The following CFAP54 variants were observed in gnomAD, a reference collection of about 807,000 sequenced individuals.
CFAP54 encodes the protein cilia and flagella associated protein 54.
Under a neutral mutation model 370.4 loss-of-function variants are expected in CFAP54, and 290 were observed. That is an observed-to-expected ratio of 0.78 (90% CI 0.71 to 0.86). CFAP54 has a LOEUF of 0.86. Among genes scored for constraint, CFAP54 ranks in the 40% least tolerant of loss-of-function variants. The pLI, the probability that CFAP54 is intolerant of heterozygous loss-of-function variation, is 0.00. For synonymous variants in CFAP54, 1,206 were observed against 1,236.5 expected, an observed-to-expected ratio of 0.98 and a Z score of 0.52; for missense variants, 3,399 against 3,528.7, an observed-to-expected ratio of 0.96 and a Z score of 0.93.
chr12:96,643,471 G>A (rs11108607), intron 32 of CFAP54, among the ~76,000 whole-genome samples: 4,088 of 152,062 alleles, frequency 0.027, 69 homozygotes, highest in Admixed American at 0.041. Context: ...AGGTAGATTG[G>A]TGCTGACCAA....
chr12:96,757,385 G>A (rs1195308343), intron 57 of CFAP54, 110 bp from the exon 58 acceptor site: 2 of 525,668 alleles, frequency 3.8e-6, no homozygotes, highest in Non-Finnish European at 6.7e-6. Flanking sequence ...TGTGACAGAT[G>A]CTGGTTTTGC....
At chr12:96,721,153 A>T (rs890203812) in intron 50 of CFAP54, among the ~76,000 whole-genome samples, 2 of 152,226 alleles carry the variant, frequency 1.3e-5, no homozygotes, top group Non-Finnish European at 1.5e-5. Flanking sequence ...TTTACTTTTT[A>T]AAAAGACTAA....
At chr12:96,837,337 C>T (rs1033510471) in intron 66 of CFAP54, among the ~76,000 whole-genome samples, 4 of 152,148 alleles carry the variant, frequency 2.6e-5, no homozygotes, top group African/African-American at 9.7e-5. Flanking sequence ...GATTGCTCTG[C>T]AATGCTAGCA....
rs186828505 is a variant in CFAP54 at position 96,609,670 on chromosome 12, C to T, written c.3639+10903C>T. Among the ~76,000 whole-genome samples the T allele has an allele frequency of 5.7e-4, 86 of 152,062 alleles. 1 individual carries two copies. Among genetic ancestry groups the T allele is most frequent in the African/African-American group, 1.5e-3 (63 of 41,498 alleles). On this transcript the variant is annotated intron_variant, in intron 26 of 67. Coordinates refer to ENST00000524981, the MANE Select transcript of CFAP54 (RefSeq NM_001306084.2). ...TTGTACTGGTCTCAAAACCCCATGA[C>T]GATCTGGTAAAAAAATTACTAGGAT...
intron 6 of CFAP54, among the ~76,000 whole-genome samples, chr12:96,519,944 T>G (rs1049546186): frequency 4.6e-5 from 7 of 152,248 alleles, no homozygotes; most frequent in African/African-American, 1.7e-4. Flanking sequence ...CGTTTAGTTT[T>G]GTGTTCCTTA....
At chr12:96,797,087 G>C (rs1958771264) in intron 63 of CFAP54, among the ~76,000 whole-genome samples, 1 of 151,944 alleles carries the variant, frequency 6.6e-6, no homozygotes, top group African/African-American at 2.4e-5. Context: ...TTCTCCTTTG[G>C]CTCATGGACT....
At chr12:96,534,025 C>G in intron 10 of CFAP54, 37 bp from the exon 11 acceptor site, 1 of 1,498,830 alleles carries the variant, frequency 6.7e-7, no homozygotes, top group Non-Finnish European at 8.8e-7. Flanking sequence ...AAATGACATC[C>G]AATTACTAAT....
At chr12:96,753,202 A>C (rs922137272) in intron 55 of CFAP54, among the ~76,000 whole-genome samples, 1 of 152,210 alleles carries the variant, frequency 6.6e-6, no homozygotes, top group African/African-American at 2.4e-5. Flanking sequence ...TTAAGTAAAA[A>C]CATGTTAAAT....
chr12:96,525,887 C>T (rs867113895), intron 8 of CFAP54, among the ~76,000 whole-genome samples: 1 of 152,188 alleles, frequency 6.6e-6, no homozygotes, highest in South Asian at 2.1e-4. Context: ...GATGAGGTTT[C>T]ACCATATTGG....
intron 63 of CFAP54, among the ~76,000 whole-genome samples, chr12:96,808,073 A>T (rs1859453337): frequency 6.6e-6 from 1 of 152,168 alleles, no homozygotes; most frequent in Non-Finnish European, 1.5e-5. Flanking sequence ...TGAAGAAAAA[A>T]GTTGCCTTAT....
chr12:96,526,448 A>G (rs1955382241), intron 8 of CFAP54, among the ~76,000 whole-genome samples: 1 of 152,184 alleles, frequency 6.6e-6, no homozygotes, highest in Admixed American at 6.5e-5. Flanking sequence ...TACTGTTTCA[A>G]ATTTTGGCTT....
At chr12:96,640,083 A>G (rs904881479) in intron 32 of CFAP54, among the ~76,000 whole-genome samples, 3 of 152,284 alleles carry the variant, frequency 2.0e-5, no homozygotes, top group African/African-American at 4.8e-5. Context: ...GGCCAGGGCA[A>G]TCAGGCAAGA....
At chr12:96,607,402 AAAAT>A (rs1376159320) in intron 26 of CFAP54, among the ~76,000 whole-genome samples, 1 of 152,212 alleles carries the variant, frequency 6.6e-6, no homozygotes, top group Non-Finnish European at 1.5e-5. Context: ...AAAACAAACA[AAAAT>A]AACCCTTCTG....
intron 65 of CFAP54, among the ~76,000 whole-genome samples, chr12:96,824,160 G>A (rs1342490783): frequency 3.3e-5 from 5 of 152,118 alleles, no homozygotes; most frequent in South Asian, 2.1e-4. Context: ...GCATCCAACC[G>A]CTTTCTGGCT....
chr12:96,558,519 C>T (rs960079851), intron 17 of CFAP54, among the ~76,000 whole-genome samples: 73 of 152,242 alleles, frequency 4.8e-4, no homozygotes, highest in Non-Finnish European at 9.1e-4. Flanking sequence ...ACCAAAGCAG[C>T]ATGGTACTGG....
intron 60 of CFAP54, among the ~76,000 whole-genome samples, chr12:96,780,501 G>A (rs1958570676): frequency 6.6e-6 from 1 of 152,092 alleles, no homozygotes; most frequent in African/African-American, 2.4e-5. Context: ...AGAGAGAGGA[G>A]AGGGAGAGAG....
intron 66 of CFAP54, among the ~76,000 whole-genome samples, chr12:96,852,228 A>G (rs2136455416): frequency 6.6e-6 from 1 of 152,214 alleles, no homozygotes; most frequent in African/African-American, 2.4e-5. Context: ...AGCTACAATA[A>G]CACTGCATGA....
chr12:96,615,814 T>C (rs1956410361), intron 26 of CFAP54, among the ~76,000 whole-genome samples: 1 of 152,204 alleles, frequency 6.6e-6, no homozygotes. Context: ...CACAATGAGA[T>C]ACCATCTCAC....
At position 96,601,190 on chromosome 12, in the gene CFAP54, C is replaced by A. The variant is rs147208855; in HGVS notation, c.3639+2423C>A. Among the ~76,000 whole-genome samples the A allele has an allele frequency of 6.4e-3, 981 of 152,188 alleles. 3 individuals are homozygous for A. Among genetic ancestry groups the A allele is most frequent in the Non-Finnish European group, 0.011 (743 of 68,012 alleles). ...AAGGGCTGTTGAATTTTGTCAAAGG[C>A]CTTTTCTGCATCTATTGAGATAATC... is the stretch of plus-strand genomic sequence containing the variant. On this transcript the variant is annotated intron_variant, in intron 26 of 67. Coordinates refer to ENST00000524981, the MANE Select transcript of CFAP54 (RefSeq NM_001306084.2).
Sources: allele counts gnomAD v4.1 joint callset (sites outside exome capture counted in the v4.1 genomes callset), GRCh38; gene constraint gnomAD v4.1.1; transcripts MANE v1.5; gene names NCBI Gene and HGNC (gene_info 2026-07-23, HGNC 2026-07-21).